Variants in SEMA3E observed in about 807,000 individuals in gnomAD.
The protein encoded by SEMA3E is semaphorin 3E.
In SEMA3E, 49 loss-of-function variants were observed where a neutral mutation model predicts 93.6. That is an observed-to-expected ratio of 0.52 (90% confidence interval 0.42 to 0.66). SEMA3E has a LOEUF of 0.66. Among genes scored for constraint, SEMA3E ranks in the 30% least tolerant of loss-of-function variants. The pLI is 0.00. For missense variants in SEMA3E, 906 were observed against 964.8 expected (o/e 0.94, Z 0.81); for synonymous variants, 363 against 330.7 (o/e 1.10, Z -1.06).
chr7:83,532,668 T>C (rs1791324999), intron 1 of SEMA3E, among the ~76,000 whole-genome samples: 1 of 148,634 alleles, frequency 6.7e-6, no homozygotes, highest in Non-Finnish European at 1.5e-5. Flanking sequence ...AATACTTCAA[T>C]TTAATAAGCA....
At chr7:83,489,144 G>C (rs1790326311) in intron 2 of SEMA3E, among the ~76,000 whole-genome samples, 1 of 152,042 alleles carries the variant, frequency 6.6e-6, no homozygotes, top group Admixed American at 6.6e-5. Context: ...CAAGTGATTG[G>C]AGGGTTGCTG....
intron 3 of SEMA3E, among the ~76,000 whole-genome samples, chr7:83,467,079 T>TTC (rs1491373824): frequency 5.3e-5 from 6 of 112,936 alleles, no homozygotes; most frequent in Non-Finnish European, 7.7e-5. Context: ...TTTTTTTTTT[T>TTC]CCCAAGACAG....
At chr7:83,599,167 A>G (rs1270148048) in intron 1 of SEMA3E, among the ~76,000 whole-genome samples, 1 of 152,206 alleles carries the variant, frequency 6.6e-6, no homozygotes, top group Non-Finnish European at 1.5e-5. Flanking sequence ...GACACATTTT[A>G]TTAAATACAG....
intron 1 of SEMA3E, among the ~76,000 whole-genome samples, chr7:83,523,765 T>C (rs1301211951): frequency 6.6e-6 from 1 of 152,142 alleles, no homozygotes; most frequent in Non-Finnish European, 1.5e-5. Flanking sequence ...ATTGTATCTA[T>C]GATTTCCACT....
intron 1 of SEMA3E, among the ~76,000 whole-genome samples, chr7:83,558,297 T>C (rs1468620): frequency 0.12 from 18,088 of 152,158 alleles, 1,179 homozygotes; most frequent in East Asian, 0.2. Flanking sequence ...TAATTATGTA[T>C]GTGAAAAACA....
At chr7:83,508,214 A>G (rs1315526184) in intron 1 of SEMA3E, among the ~76,000 whole-genome samples, 2 of 151,996 alleles carry the variant, frequency 1.3e-5, no homozygotes, top group South Asian at 2.1e-4. Flanking sequence ...ACATTCCTGA[A>G]TATAAAAATA....
intron 5 of SEMA3E, among the ~76,000 whole-genome samples, chr7:83,410,017 A>G (rs1584229140): frequency 6.6e-6 from 1 of 151,758 alleles, no homozygotes; most frequent in East Asian, 1.9e-4. Flanking sequence ...TATGATATAA[A>G]TTAAACTCAA....
chr7:83,405,625 A>C, intron 8 of SEMA3E, 106 bp from the exon 9 acceptor site: 1 of 928,250 alleles, frequency 1.1e-6, no homozygotes, highest in Non-Finnish European at 1.7e-6. Flanking sequence ...AGATTTTGAG[A>C]TGTGTATTTT....
At chr7:83,495,883 T>C (rs747963186) in intron 1 of SEMA3E, among the ~76,000 whole-genome samples, 3 of 151,932 alleles carry the variant, frequency 2.0e-5, no homozygotes, top group Non-Finnish European at 4.4e-5. Flanking sequence ...ATGTGTTACT[T>C]TATCAAAAAT....
intron 1 of SEMA3E, among the ~76,000 whole-genome samples, chr7:83,570,124 G>A (rs548080559): frequency 6.6e-6 from 1 of 152,138 alleles, no homozygotes; most frequent in Admixed American, 6.5e-5. Flanking sequence ...AATAAATCTT[G>A]GGTCAACAAG....
intron 4 of SEMA3E, among the ~76,000 whole-genome samples, chr7:83,444,387 C>T (rs1056826032): frequency 6.6e-6 from 1 of 152,116 alleles, no homozygotes; most frequent in Admixed American, 6.5e-5. Context: ...CTTTGTCAAC[C>T]TGAATGTGTA....
intron 4 of SEMA3E, among the ~76,000 whole-genome samples, chr7:83,454,296 T>TATATATAA (rs1350195502): frequency 3.0e-4 from 39 of 130,612 alleles, no homozygotes; most frequent in African/African-American, 1.0e-3. Flanking sequence ...TATATATATA[T>TATATATAA]AATGTGTGTA....
intron 2 of SEMA3E, among the ~76,000 whole-genome samples, chr7:83,471,420 G>A (rs575850407): frequency 3.7e-4 from 56 of 151,746 alleles, no homozygotes; most frequent in African/African-American, 1.3e-3. Context: ...GAGTTTCTTC[G>A]TGCTGATAGG....
intron 16 of SEMA3E, among the ~76,000 whole-genome samples, chr7:83,377,809 C>T (rs1462505527): frequency 1.3e-5 from 2 of 151,942 alleles, no homozygotes; most frequent in Non-Finnish European, 2.9e-5. Flanking sequence ...AATTTTTCCT[C>T]ATTTACTCAG....
Position 83,367,192 on chromosome 7 carries a change from A to G in SEMA3E, c.*394T>C. ...TCTTACATTGTGATGGAAAAGAAAA[A>G]TTCAGAAATATTAAAACATATTTAG... On this transcript the variant is annotated 3_prime_UTR_variant, in exon 17 of 17. Transcript: ENST00000643230. 1 of 216,684 alleles carries G rather than the reference A, an allele frequency of 4.6e-6. No individual in the cohort carries two copies. The allele number at this position is 216,684 out of a possible 1,614,324, so 13.4% of individuals were successfully genotyped here.
At chr7:83,611,267 T>A (rs2115583302) in intron 1 of SEMA3E, among the ~76,000 whole-genome samples, 1 of 143,898 alleles carries the variant, frequency 6.9e-6, no homozygotes, top group East Asian at 2.0e-4. Flanking sequence ...ATATTATATA[T>A]AAATTTATAT....
At chr7:83,481,769 A>G (rs1045979398) in intron 2 of SEMA3E, among the ~76,000 whole-genome samples, 2 of 152,236 alleles carry the variant, frequency 1.3e-5, no homozygotes, top group Non-Finnish European at 1.5e-5. Context: ...ATCTAAAAAC[A>G]CTAATACAAT....
At chr7:83,394,276 A>G (rs2115589071) in intron 13 of SEMA3E, 21 bp downstream of exon 13, 1 of 1,603,622 alleles carries the variant, frequency 6.2e-7, no homozygotes, top group Admixed American at 1.7e-5. Flanking sequence ...ACACCTACAC[A>G]CACACACACA....
chr7:83,591,109 A>AAAC (rs1216521211), intron 1 of SEMA3E, among the ~76,000 whole-genome samples: 1 of 147,604 alleles, frequency 6.8e-6, no homozygotes, highest in African/African-American at 2.6e-5. Flanking sequence ...TTATTTGCAA[A>AAAC]AAAAAAAAAA....
Sources: allele counts gnomAD v4.1 joint callset (sites outside exome capture counted in the v4.1 genomes callset), GRCh38; gene constraint gnomAD v4.1.1; transcripts MANE v1.5; gene names NCBI Gene and HGNC (gene_info 2026-07-23, HGNC 2026-07-21).